Variants in NTN4 observed in about 807,000 individuals in gnomAD.
NTN4 encodes netrin 4, also known as netrin-4.
Under a neutral mutation model 73.6 loss-of-function variants are expected in NTN4, and 32 were observed. The ratio of observed to expected loss-of-function variants is 0.44; its 90% CI spans 0.33 to 0.58. NTN4 has a LOEUF of 0.58. NTN4 is among the 20% of genes least tolerant of loss of function. NTN4 has a pLI of 0.04. For synonymous variants in NTN4, 258 were observed against 287.5 expected (o/e 0.90, Z 1.04); for missense variants, 654 against 798.3 (o/e 0.82, Z 2.18).
intron 2 of NTN4, among the ~76,000 whole-genome samples, chr12:95,764,387 G>A (rs894492736): frequency 6.6e-6 from 1 of 152,196 alleles, no homozygotes; most frequent in Non-Finnish European, 1.5e-5. Flanking sequence ...AGAGCTGGCC[G>A]GGCACAGTGG....
intron 2 of NTN4, among the ~76,000 whole-genome samples, chr12:95,754,838 T>C (rs970124815): frequency 5.3e-5 from 8 of 152,214 alleles, no homozygotes; most frequent in African/African-American, 1.7e-4. Flanking sequence ...TAAACAGCCA[T>C]GTTGCTCACA....
At chr12:95,765,576 C>T (rs1251816992) in intron 2 of NTN4, among the ~76,000 whole-genome samples, 1 of 152,186 alleles carries the variant, frequency 6.6e-6, no homozygotes, top group East Asian at 1.9e-4. Context: ...CGTTAGTTGT[C>T]TGGGCTTTAG....
chr12:95,722,890 C>T (rs556598329), intron 3 of NTN4, among the ~76,000 whole-genome samples: 23 of 134,422 alleles, frequency 1.7e-4, no homozygotes, highest in African/African-American at 6.3e-4. Context: ...AGGAGAATCA[C>T]TTGAACCCGG....
At chr12:95,704,196 A>G (rs2078507291) in intron 5 of NTN4, among the ~76,000 whole-genome samples, 1 of 152,210 alleles carries the variant, frequency 6.6e-6, no homozygotes, top group Non-Finnish European at 1.5e-5. Flanking sequence ...TCTGCAGACC[A>G]CACACAGAGT....
chr12:95,680,260 G>A (rs1046368062), intron 7 of NTN4, among the ~76,000 whole-genome samples: 1 of 152,216 alleles, frequency 6.6e-6, no homozygotes, highest in East Asian at 1.9e-4. Flanking sequence ...ATAAATATCT[G>A]TTGGATGAAT....
intron 5 of NTN4, among the ~76,000 whole-genome samples, chr12:95,685,510 G>A (rs2078354508): frequency 6.6e-6 from 1 of 152,178 alleles, no homozygotes; most frequent in African/African-American, 2.4e-5. Context: ...CAGTTGACAT[G>A]ATTTTAAATG....
At chr12:95,679,206 C>A (rs1023209982) in intron 7 of NTN4, among the ~76,000 whole-genome samples, 2 of 152,108 alleles carry the variant, frequency 1.3e-5, no homozygotes, top group Non-Finnish European at 2.9e-5. Context: ...AGGCAAAGAA[C>A]CGATAGCTAA....
intron 5 of NTN4, among the ~76,000 whole-genome samples, chr12:95,686,695 T>G (rs1592664588): frequency 6.6e-6 from 1 of 150,900 alleles, no homozygotes; most frequent in Admixed American, 6.6e-5. Context: ...GAGGCCCAGG[T>G]TGCAATGAGC....
Position 95,790,377 on chromosome 12 carries a change from G to C in NTN4, c.-68C>G. 1 of 1,326,348 alleles carries C rather than the reference G, an allele frequency of 7.5e-7. No individual in the cohort carries two copies. The highest frequency in any genetic ancestry group is 2.6e-5 in the Admixed American group (1 of 38,814). The allele number at this position is 1,326,348 out of a possible 1,614,324, so 82.2% of individuals were successfully genotyped here. On this transcript the variant is annotated 5_prime_UTR_variant, in exon 1 of 10. Transcript: ENST00000343702. This position sits in a 1 kb window ranked among gnomAD's most constrained non-coding sequence, Gnocchi z 6.5. ...AGGGAGCCGAGACCTCTGGGCTGCGGGATGAAGCGCCGCCGTCCTCGGGAG... is the reference window on the plus strand; with the variant it reads ...AGGGAGCCGAGACCTCTGGGCTGCGCGATGAAGCGCCGCCGTCCTCGGGAG...
At chr12:95,745,495 C>T (rs2078855621) in intron 2 of NTN4, among the ~76,000 whole-genome samples, 1 of 152,112 alleles carries the variant, frequency 6.6e-6, no homozygotes, top group Admixed American at 6.5e-5. Flanking sequence ...AATGGTCATT[C>T]AACTTTTTTT....
At chr12:95,725,877 G>A (rs978338177) in intron 3 of NTN4, among the ~76,000 whole-genome samples, 18 of 152,148 alleles carry the variant, frequency 1.2e-4, no homozygotes, top group Non-Finnish European at 2.2e-4. Context: ...GAGCCATTCA[G>A]AAATCTGTGA....
chr12:95,722,862 T>TA (rs1378073805), intron 3 of NTN4, among the ~76,000 whole-genome samples: 1 of 149,088 alleles, frequency 6.7e-6, no homozygotes, highest in Non-Finnish European at 1.5e-5. Flanking sequence ...TAATTCCACT[T>TA]ACTTGGGAGG....
In NTN4 at chr12:95,781,399, C is replaced by T. The variant is rs1165585524; in HGVS notation, c.585+5540G>A. Among the ~76,000 whole-genome samples the T allele has an allele frequency of 1.3e-5, 2 of 152,132 alleles. No individual in the cohort carries two copies. The highest frequency in any genetic ancestry group is 2.9e-5 in the Non-Finnish European group (2 of 68,032). On this transcript the variant is annotated intron_variant, in intron 2 of 9. Coordinates refer to ENST00000343702, the MANE Select transcript of NTN4 (RefSeq NM_021229.4). The surrounding 1 kb of genome is among the most constrained non-coding windows in gnomAD (Gnocchi z 4.1). ...TGAAAACTTGCCAGGAACTCATAGT[C>T]CTTGTCACTGTCCATTCTATCAAAC...
intron 7 of NTN4, chr12:95,672,991 A>T (rs1361167263): frequency 1.7e-6 from 2 of 1,204,652 alleles, no homozygotes; most frequent in South Asian, 1.2e-5. Flanking sequence ...CATCAGGTGC[A>T]TGGAGTTCCT....
At chr12:95,780,726 T>C (rs2079126190) in intron 2 of NTN4, among the ~76,000 whole-genome samples, 1 of 152,174 alleles carries the variant, frequency 6.6e-6, no homozygotes, top group African/African-American at 2.4e-5. Context: ...GTTCAACCAT[T>C]GTGGAAGACA....
chr12:95,682,057 C>CTTTTGTTTTTTTTTTTTT (rs2078320478), intron 7 of NTN4, among the ~76,000 whole-genome samples: 1 of 64,546 alleles, frequency 1.5e-5, no homozygotes. Context: ...ATTCAGTAGG[C>CTTTTGTTTTTTTTTTTTT]TTTTTTTTTT....
In NTN4 at chr12:95,682,706, C is replaced by A; in HGVS notation, c.1510+1G>T. On this transcript the variant is annotated splice_donor_variant, in intron 7 of 9. Coordinates refer to ENST00000343702, the MANE Select transcript of NTN4 (RefSeq NM_021229.4). LOFTEE classifies it high-confidence loss of function. ...ATGATGCCTGGTTACATCCATCTCA[C>A]CTGAGTGTAGAAGTGCAGAAAACCC... 6.2e-7 allele frequency: 1 copy of A among 1,602,384 alleles called. No homozygotes were observed. The highest frequency in any genetic ancestry group is 8.5e-7 in the Non-Finnish European group (1 of 1,169,612).
chr12:95,707,264 T>C (rs969691916), intron 5 of NTN4, among the ~76,000 whole-genome samples: 2 of 152,132 alleles, frequency 1.3e-5, no homozygotes, highest in African/African-American at 4.8e-5. Flanking sequence ...CTCTCTAGTC[T>C]CATCTCCTGA....
chr12:95,727,006 G>A (rs2078700221), intron 3 of NTN4, among the ~76,000 whole-genome samples: 1 of 152,024 alleles, frequency 6.6e-6, no homozygotes, highest in Non-Finnish European at 1.5e-5. Context: ...ATGCCAGACT[G>A]TTTTCCACAG....
Sources: allele counts gnomAD v4.1 joint callset (sites outside exome capture counted in the v4.1 genomes callset), GRCh38; gene constraint gnomAD v4.1.1; non-coding constraint Gnocchi (gnomAD v3.1); transcripts MANE v1.5; gene names NCBI Gene and HGNC (gene_info 2026-07-23, HGNC 2026-07-21).